The following TNFAIP8L3 variants were observed in gnomAD, a reference collection of about 807,000 sequenced individuals.
TNFAIP8L3 encodes tumor necrosis factor alpha-induced protein 8-like protein 3.
Under a neutral mutation model 11.8 loss-of-function variants are expected in TNFAIP8L3, and 7 were observed. The ratio of observed to expected loss-of-function variants is 0.59; its 90% CI spans 0.34 to 1.11. The LOEUF (loss-of-function observed/expected upper bound fraction) is 1.11, where lower values mean the gene tolerates loss of function less well. Among genes scored for constraint, TNFAIP8L3 ranks in the 50% most tolerant of loss-of-function variants. TNFAIP8L3 has a pLI of 0.03. For synonymous variants in TNFAIP8L3, 98 were observed against 103.8 expected, an observed-to-expected ratio of 0.94 and a Z score of 0.34; for missense variants, 219 against 258.6, an observed-to-expected ratio of 0.85 and a Z score of 1.05.
At chr15:51,079,855 CAAAAA>C (rs10602536) in intron 1 of TNFAIP8L3, among the ~76,000 whole-genome samples, 2 of 77,582 alleles carry the variant, frequency 2.6e-5, no homozygotes, top group Non-Finnish European at 2.4e-5. Flanking sequence ...GACTTTGTCT[CAAAAA>C]AAAAAAAAAA....
At chr15:51,095,847 A>G (rs1230972014), upstream of TNFAIP8L3, among the ~76,000 whole-genome samples, 1 of 152,146 alleles carries the variant, frequency 6.6e-6, no homozygotes, top group Admixed American at 6.5e-5. Context: ...TGCCCAGAGA[A>G]TGCAAATTAT....
At chr15:51,087,075 G>C (rs957196074) in intron 1 of TNFAIP8L3, among the ~76,000 whole-genome samples, 1 of 152,114 alleles carries the variant, frequency 6.6e-6, no homozygotes, top group African/African-American at 2.4e-5. Context: ...TTTTAGTAGA[G>C]ATGGCTGGTC....
upstream of TNFAIP8L3, among the ~76,000 whole-genome samples, chr15:51,099,759 C>A (rs1260610704): frequency 6.6e-6 from 1 of 152,184 alleles, no homozygotes; most frequent in Non-Finnish European, 1.5e-5. Flanking sequence ...CCTTACACAG[C>A]TTTGTGGCAT....
chr15:51,073,670 T>C (rs1873801915), intron 1 of TNFAIP8L3, among the ~76,000 whole-genome samples: 1 of 152,218 alleles, frequency 6.6e-6, no homozygotes, highest in Non-Finnish European at 1.5e-5. Context: ...CTATTTCTTT[T>C]TCCTGCTTTA....
chr15:51,062,877 A>G (rs1298083132), intron 1 of TNFAIP8L3, among the ~76,000 whole-genome samples: 1 of 152,192 alleles, frequency 6.6e-6, no homozygotes, highest in Non-Finnish European at 1.5e-5. Context: ...ACTTGGCAAA[A>G]GGGAATTTGT....
At chr15:51,098,563 G>A (rs181156749), upstream of TNFAIP8L3, among the ~76,000 whole-genome samples, 7 of 152,262 alleles carry the variant, frequency 4.6e-5, no homozygotes, top group East Asian at 5.8e-4. Context: ...CTTGAGAAAG[G>A]GAGCTTTCCT....
intron 1 of TNFAIP8L3, among the ~76,000 whole-genome samples, chr15:51,104,232 C>G (rs1460513673): frequency 6.6e-6 from 1 of 152,136 alleles, no homozygotes; most frequent in African/African-American, 2.4e-5. Context: ...CTTTCCATCT[C>G]CACGGGCTCC....
At chr15:51,079,717 G>T (rs1349449165) in intron 1 of TNFAIP8L3, among the ~76,000 whole-genome samples, 1 of 151,878 alleles carries the variant, frequency 6.6e-6, no homozygotes, top group African/African-American at 2.4e-5. Flanking sequence ...GAGCATGGTG[G>T]CTCATGCCTG....
chr15:51,101,945 C>CAAAAAAAAAAAAAAA (rs11297566), intron 1 of TNFAIP8L3, among the ~76,000 whole-genome samples: 6 of 85,712 alleles, frequency 7.0e-5, no homozygotes, highest in African/African-American at 1.8e-4. Flanking sequence ...GACTCTGTCT[C>CAAAAAAAAAAAAAAA]AAAAAAAAAA....
At position 51,057,479 on chromosome 15, in the gene TNFAIP8L3, G is replaced by A. The variant is rs2140960631; in HGVS notation, c.*402C>T. On this transcript the variant is annotated 3_prime_UTR_variant, in exon 2 of 2. Coordinates refer to ENST00000637513, the MANE Select transcript of TNFAIP8L3 (RefSeq NM_001311175.2). ...TCTGGTCCTCACAACAGCCCTGTGA[G>A]GCAGGCAGGCAGGCATCATGGTTCC... is the stretch of plus-strand genomic sequence containing the variant. The A allele has an allele frequency of 6.0e-6, 1 of 166,584 alleles. No homozygotes were observed. The highest frequency in any genetic ancestry group is 1.7e-4 in the East Asian group (1 of 5,716). 10.3% of individuals were successfully genotyped at this position (166,584 alleles called of 1,614,324 possible).
At chr15:51,096,421 T>C (rs1003765368), upstream of TNFAIP8L3, among the ~76,000 whole-genome samples, 1 of 152,170 alleles carries the variant, frequency 6.6e-6, no homozygotes, top group Non-Finnish European at 1.5e-5. Context: ...TTTCCTCAAG[T>C]GTTGGTGTCT....
chr15:51,064,654 A>C (rs1351740533), intron 1 of TNFAIP8L3: 1 of 152,252 alleles, frequency 6.6e-6, no homozygotes, highest in African/African-American at 2.4e-5. Flanking sequence ...ACATGCATAC[A>C]TAATGTTACA....
chr15:51,096,223 G>A (rs564912886), upstream of TNFAIP8L3, among the ~76,000 whole-genome samples: 9 of 152,308 alleles, frequency 5.9e-5, no homozygotes, highest in South Asian at 1.9e-3. Flanking sequence ...TCTACCTGAA[G>A]GCTGCCGTCT....
chr15:51,088,485 A>G (rs1474424404), intron 1 of TNFAIP8L3, among the ~76,000 whole-genome samples: 1 of 152,188 alleles, frequency 6.6e-6, no homozygotes, highest in Non-Finnish European at 1.5e-5. Flanking sequence ...CAATATGGCT[A>G]CAAACCTCTG....
At chr15:51,104,954 C>A in intron 1 of TNFAIP8L3, 1 of 1,611,684 alleles carries the variant, frequency 6.2e-7, no homozygotes, top group Non-Finnish European at 8.5e-7. Flanking sequence ...TTTGCACAAG[C>A]CTCCCCGCCC....
chr15:51,084,938 G>A (rs747812194), intron 1 of TNFAIP8L3, among the ~76,000 whole-genome samples: 4 of 152,202 alleles, frequency 2.6e-5, no homozygotes, highest in Non-Finnish European at 5.9e-5. Context: ...AGGTATTAAT[G>A]AGGGATGCAG....
chr15:51,093,710 G>A (rs1220673430), intron 1 of TNFAIP8L3, among the ~76,000 whole-genome samples: 1 of 152,156 alleles, frequency 6.6e-6, no homozygotes. Context: ...GGTCCTAGGT[G>A]CGTAGACCCG....
At chr15:51,075,426 C>T (rs764652684) in intron 1 of TNFAIP8L3, among the ~76,000 whole-genome samples, 27 of 152,148 alleles carry the variant, frequency 1.8e-4, no homozygotes, top group African/African-American at 3.6e-4. Flanking sequence ...TCCCCATTTA[C>T]GCCCCTTCAC....
At chr15:51,098,206 C>T (rs1032862037), upstream of TNFAIP8L3, among the ~76,000 whole-genome samples, 8 of 152,206 alleles carry the variant, frequency 5.3e-5, no homozygotes, top group Admixed American at 2.6e-4. Context: ...TGAGCCAGTG[C>T]TATGACTCAT....
Sources: gnomAD v4.1 joint callset for allele counts (sites outside exome capture counted in the v4.1 genomes callset) on GRCh38, gnomAD v4.1.1 for gene constraint, MANE v1.5 for transcripts, NCBI Gene and HGNC (gene_info 2026-07-23, HGNC 2026-07-21) for gene names.